GLI2: variants seen among roughly 807,000 people sequenced by gnomAD.
GLI2 encodes GLI family zinc finger 2, also known as transcription activator GLI2.
Under a neutral mutation model 78.9 loss-of-function variants are expected in GLI2, and 22 were observed. The observed-to-expected ratio is 0.28, with a 90% CI of 0.20 to 0.40. The LOEUF is 0.40. Ranked by LOEUF, GLI2 falls within the 10% of genes least tolerant of loss-of-function variation. GLI2 has a pLI of 1.00. For synonymous variants in GLI2, 974 were observed against 963.7 expected, an observed-to-expected ratio of 1.01 and a Z score of -0.20; for missense variants, 2,097 against 2,213.2, an observed-to-expected ratio of 0.95 and a Z score of 1.05.
intron 2 of GLI2, among the ~76,000 whole-genome samples, chr2:120,842,077 A>AG (rs1491164037): frequency 1.4e-5 from 2 of 146,764 alleles, no homozygotes; most frequent in South Asian, 4.2e-4. Flanking sequence ...AAAAAAAAAA[A>AG]CAGACTTCTT....
chr2:120,885,905 C>T (rs1328316945), intron 2 of GLI2, among the ~76,000 whole-genome samples: 1 of 152,144 alleles, frequency 6.6e-6, no homozygotes, highest in African/African-American at 2.4e-5. Context: ...GGGCCGTGAG[C>T]TAAAACCATA....
At chr2:120,960,215 C>T (rs947387595) in intron 5 of GLI2, among the ~76,000 whole-genome samples, 25 of 152,194 alleles carry the variant, frequency 1.6e-4, no homozygotes, top group African/African-American at 4.6e-4. Flanking sequence ...AGTTCCTGGG[C>T]GGGACCAAGA....
intron 2 of GLI2, among the ~76,000 whole-genome samples, chr2:120,882,221 A>G (rs1677187456): frequency 6.6e-6 from 1 of 152,010 alleles, no homozygotes. Flanking sequence ...TCCTCCTTCC[A>G]GGAGGCCAGG....
At chr2:120,791,593 A>AG (rs1213779655) in intron 1 of GLI2, among the ~76,000 whole-genome samples, 1 of 152,230 alleles carries the variant, frequency 6.6e-6, no homozygotes, top group East Asian at 1.9e-4. Context: ...TGATCAAGGC[A>AG]GGGCACATGT....
chr2:120,984,321 C>T, intron 11 of GLI2, 150 bp from the exon 12 acceptor site: 1 of 839,372 alleles, frequency 1.2e-6, no homozygotes. Context: ...ATCCACAGAG[C>T]ACTGGCTGCA....
In GLI2 at chr2:120,859,806, G is replaced by A. The variant is rs568362611; in HGVS notation, c.148+62338G>A. Among the ~76,000 whole-genome samples, 13 of 151,374 alleles carry A rather than the reference G, an allele frequency of 8.6e-5. No individual in the cohort carries two copies. The East Asian group carries it at 2.5e-3, about 30-fold the overall frequency. On this transcript the variant is annotated intron_variant, in intron 2 of 13. Transcript: ENST00000361492. ...AGTTTTGCTCTTGTCACCCAGGCTG[G>A]AGCGCAATGGCACAATCTCAGCTCA...
intron 10 of GLI2, among the ~76,000 whole-genome samples, chr2:120,981,576 T>G (rs1159287223): frequency 6.6e-6 from 1 of 152,108 alleles, no homozygotes; most frequent in Non-Finnish European, 1.5e-5. Flanking sequence ...GAGCTGTGAG[T>G]TGTGGAAACA....
intron 5 of GLI2, among the ~76,000 whole-genome samples, chr2:120,961,512 C>T (rs986428752): frequency 1.8e-4 from 28 of 152,310 alleles, no homozygotes; most frequent in African/African-American, 5.3e-4. Context: ...ACCAGCTTCA[C>T]GAAGCCGCTT....
rs1365347989 is a variant in GLI2, at chr2:120,988,960, G to A, written c.2995G>A (p.Asp999Asn). 6.5e-7 allele frequency: 1 copy of A among 1,544,814 alleles called. No individual in the cohort carries two copies. Among genetic ancestry groups the A allele is most frequent in the Non-Finnish European group, 8.7e-7 (1 of 1,150,898 alleles). ...CCGCCTGCAGAGCCACCCGAGCACC[G>A]ACGGCGGCCTGGCCCGCGGCGCCTA... is the stretch of plus-strand genomic sequence containing the variant. ...GLRLQSHPST[D>N]GGLARGAYSP... Residue 999 changes from aspartate to asparagine, a missense_variant, in exon 14 of 14, where the codon GAC becomes AAC. Around this residue, in one of 5 missense-constraint regions of GLI2, gnomAD observed 1,290 missense variants for 1,261.7 expected, o/e 1.02. Coordinates refer to ENST00000361492, the MANE Select transcript of GLI2 (RefSeq NM_001374353.1).
chr2:120,872,546 C>T (rs1257984838), intron 2 of GLI2, among the ~76,000 whole-genome samples: 1 of 152,232 alleles, frequency 6.6e-6, no homozygotes, highest in Non-Finnish European at 1.5e-5. Flanking sequence ...AGTGGGCAGG[C>T]TGAGGCCCTG....
chr2:120,886,010 C>T (rs950095288), intron 2 of GLI2, among the ~76,000 whole-genome samples: 6 of 152,092 alleles, frequency 3.9e-5, no homozygotes, highest in Non-Finnish European at 8.8e-5. Context: ...CATGCATTAG[C>T]GTGCCATCCT....
chr2:120,795,199 G>A (rs1684330328), intron 1 of GLI2, among the ~76,000 whole-genome samples: 1 of 152,156 alleles, frequency 6.6e-6, no homozygotes, highest in African/African-American at 2.4e-5. Context: ...TCCAGCCTGG[G>A]TGACAGGAGA....
chr2:120,815,335 A>G (rs1685442347), intron 2 of GLI2, among the ~76,000 whole-genome samples: 1 of 152,202 alleles, frequency 6.6e-6, no homozygotes, highest in Non-Finnish European at 1.5e-5. Flanking sequence ...TTATGGCGCC[A>G]CAACCCATCT....
intron 2 of GLI2, among the ~76,000 whole-genome samples, chr2:120,885,660 G>A (rs1677360087): frequency 6.6e-6 from 1 of 152,220 alleles, no homozygotes; most frequent in African/African-American, 2.4e-5. Context: ...GCAGCAGGAG[G>A]CGTCTAGCAG....
intron 1 of GLI2, among the ~76,000 whole-genome samples, chr2:120,751,434 C>T (rs987281198): frequency 1.3e-5 from 2 of 152,174 alleles, no homozygotes; most frequent in African/African-American, 2.4e-5. Flanking sequence ...AAGCATTTGT[C>T]GTAGCCCTGA....
In GLI2 at chr2:120,909,997, A is replaced by T. The variant is rs1045267190; in HGVS notation, c.149-17364A>T. Among the ~76,000 whole-genome samples, 3 of 152,336 alleles carry T rather than the reference A, an allele frequency of 2.0e-5. No individual in the cohort carries two copies. The South Asian group carries it at 6.2e-4, about 32-fold the overall frequency. ...GACCGATGACTGAAGCCATAGCTAC[A>T]GCTCCTCCGTGTAGGCCCAGCTGGG... On this transcript the variant is annotated intron_variant, in intron 2 of 13. Transcript: ENST00000361492.
rs957651958 is a variant in GLI2, at chr2:120,978,922, A to T, written c.1467+339A>T. 2.6e-5 allele frequency among the ~76,000 whole-genome samples: 4 copies of T among 152,348 alleles called. No individual in the cohort carries two copies. The South Asian group carries it at 6.2e-4, about 24-fold the overall frequency. On this transcript the variant is annotated intron_variant, in intron 10 of 13. Transcript: ENST00000361492. ...TGACGCTGGGAAGAGGGACAGCTCC[A>T]TAGTGCTCTGCAGAGAAAAAAACAT...
intron 3 of GLI2, among the ~76,000 whole-genome samples, chr2:120,933,783 G>A (rs1473547776): frequency 6.6e-6 from 1 of 152,104 alleles, no homozygotes; most frequent in African/African-American, 2.4e-5. Flanking sequence ...CCATGCTCCT[G>A]GTTCGGGGGG....
chr2:120,795,017 C>G (rs1213955873), intron 1 of GLI2, among the ~76,000 whole-genome samples: 1 of 152,118 alleles, frequency 6.6e-6, no homozygotes, highest in Admixed American at 6.6e-5. Context: ...CTCCATTGTT[C>G]TTGTGTACTC....
Sources: allele counts gnomAD v4.1 joint callset (sites outside exome capture counted in the v4.1 genomes callset), GRCh38; gene constraint gnomAD v4.1.1; regional missense constraint gnomAD v4.1.1; transcripts MANE v1.5; gene names NCBI Gene and HGNC (gene_info 2026-07-23, HGNC 2026-07-21).